COQ10B: variants seen among roughly 807,000 people sequenced by gnomAD.
COQ10B encodes coenzyme Q10B.
Under a neutral mutation model 27.6 loss-of-function variants are expected in COQ10B, and 12 were observed. That is an observed-to-expected ratio of 0.43 (90% CI 0.28 to 0.70). The LOEUF (loss-of-function observed/expected upper bound fraction) is 0.70, where lower values mean the gene tolerates loss of function less well. Ranked by LOEUF, COQ10B falls within the 30% of genes least tolerant of loss-of-function variation. The probability of loss-of-function intolerance (pLI) is 0.17; values close to 1 mark genes in which losing one functional copy is unlikely to be tolerated. For missense variants in COQ10B, 278 were observed against 288.7 expected, an observed-to-expected ratio of 0.96 and a Z score of 0.27; for synonymous variants, 115 against 103.0, an observed-to-expected ratio of 1.12 and a Z score of -0.71.
chr2:197,454,520 A>T (rs370890082), intron 1 of COQ10B, among the ~76,000 whole-genome samples: 1 of 152,164 alleles, frequency 6.6e-6, no homozygotes, highest in South Asian at 2.1e-4. Flanking sequence ...AAGAATTTTT[A>T]AAAACACCAA....
intron 3 of COQ10B, among the ~76,000 whole-genome samples, chr2:197,469,593 G>A (rs541476398): frequency 2.6e-5 from 4 of 152,186 alleles, no homozygotes; most frequent in Non-Finnish European, 5.9e-5. Flanking sequence ...AAGACTATAC[G>A]TGATTAATAA....
chr2:197,462,962 A>T lies in COQ10B; in HGVS notation c.447+231A>T, dbSNP rs189978582. On this transcript the variant is annotated intron_variant, in intron 3 of 4. Coordinates refer to ENST00000263960, the MANE Select transcript of COQ10B (RefSeq NM_025147.5). ...AACTTTTCCCTTTTTTTTCCCTTCT[A>T]TTGAGGACTACTGACCCACAGGACA... Among the ~76,000 whole-genome samples the T allele has an allele frequency of 1.8e-3, 276 of 152,020 alleles. 1 individual carries two copies. Among genetic ancestry groups the T allele is most frequent in the Non-Finnish European group, 2.8e-3 (189 of 67,930 alleles).
chr2:197,458,684 T>C (rs564668112), intron 1 of COQ10B, among the ~76,000 whole-genome samples: 12 of 147,094 alleles, frequency 8.2e-5, no homozygotes, highest in East Asian at 5.9e-4. Context: ...TCTTTTCTCT[T>C]TTTTTTTTTT....
At chr2:197,456,481 C>A (rs1198052436) in intron 1 of COQ10B, among the ~76,000 whole-genome samples, 4 of 140,320 alleles carry the variant, frequency 2.9e-5, no homozygotes, top group Non-Finnish European at 4.6e-5. Flanking sequence ...AAAAGTTGAT[C>A]TTGCTGGGCG....
Position 197,470,714 on chromosome 2 carries a change from A to G in COQ10B, c.549+543A>G, listed in dbSNP as rs532354811. On this transcript the variant is annotated intron_variant, in intron 4 of 4. Coordinates refer to ENST00000263960, the MANE Select transcript of COQ10B (RefSeq NM_025147.5). ...GTTCGAGACCAGCCTGACCAATATC[A>G]TGAAACCCCGTCTCTAGTAAAAATA... Among the ~76,000 whole-genome samples the G allele has an allele frequency of 1.6e-3, 246 of 152,254 alleles. 1 individual carries two copies. The highest frequency in any genetic ancestry group is 5.7e-3 in the African/African-American group (237 of 41,548).
chr2:197,470,826 C>T (rs936308784), intron 4 of COQ10B, among the ~76,000 whole-genome samples: 7 of 152,126 alleles, frequency 4.6e-5, no homozygotes, highest in South Asian at 2.1e-4. Flanking sequence ...ACCCGGGAGG[C>T]GGAGGTTGCA....
At chr2:197,465,280 C>T (rs1160577437) in intron 3 of COQ10B, among the ~76,000 whole-genome samples, 1 of 150,792 alleles carries the variant, frequency 6.6e-6, no homozygotes, top group African/African-American at 2.5e-5. Flanking sequence ...TTCTTCTGTT[C>T]CCTGCCGCCT....
intron 1 of COQ10B, among the ~76,000 whole-genome samples, chr2:197,457,856 A>G (rs2085716278): frequency 1.3e-5 from 2 of 152,166 alleles, no homozygotes; most frequent in African/African-American, 4.8e-5. Flanking sequence ...TCCTGACCTC[A>G]GTTGATCCGC....
intron 4 of COQ10B, among the ~76,000 whole-genome samples, chr2:197,473,399 C>T (rs1457663194): frequency 1.0e-5 from 1 of 95,658 alleles, no homozygotes; most frequent in African/African-American, 4.9e-5. Context: ...ACGCCCCCCC[C>T]CACAAAAAAA....
chr2:197,460,183 A>G, intron 2 of COQ10B, 102 bp downstream of exon 2: 1 of 765,818 alleles, frequency 1.3e-6, no homozygotes, highest in Non-Finnish European at 1.9e-6. Context: ...TTACAGACTA[A>G]GCTCTCTTTT....
chr2:197,461,719 C>A (rs1044859545), intron 2 of COQ10B, among the ~76,000 whole-genome samples: 9 of 151,790 alleles, frequency 5.9e-5, no homozygotes, highest in African/African-American at 1.9e-4. Flanking sequence ...TCACTCACTG[C>A]AACCTCTGTC....
intron 4 of COQ10B, 106 bp from the exon 5 acceptor site, chr2:197,473,651 A>G (rs2085916642): frequency 2.6e-6 from 2 of 757,514 alleles, no homozygotes; most frequent in Non-Finnish European, 3.9e-6. Context: ...GTGCCACTGC[A>G]CTCCAACCTG....
intron 1 of COQ10B, 99 bp downstream of exon 1, chr2:197,453,763 G>T: frequency 8.6e-7 from 1 of 1,159,306 alleles, no homozygotes; most frequent in Non-Finnish European, 1.3e-6. Context: ...AGCCGGACTC[G>T]GTGCATTTCC....
chr2:197,467,258 TTTTATTTA>T (rs55707253), intron 3 of COQ10B, among the ~76,000 whole-genome samples: 4 of 148,084 alleles, frequency 2.7e-5, no homozygotes, highest in East Asian at 2.0e-4. Context: ...GGGTTCTGGA[TTTTATTTA>T]TTTATTTATT....
intron 3 of COQ10B, among the ~76,000 whole-genome samples, chr2:197,466,695 T>C (rs1413701701): frequency 6.6e-6 from 1 of 152,200 alleles, no homozygotes; most frequent in Admixed American, 6.5e-5. Flanking sequence ...AAAAGTAATC[T>C]TCATAATAAC....
At chr2:197,454,115 A>T in intron 1 of COQ10B, 1 of 1,538,500 alleles carries the variant, frequency 6.5e-7, no homozygotes, top group Non-Finnish European at 8.7e-7. Flanking sequence ...AATTTCTGAA[A>T]GAGTGCTTTG....
chr2:197,463,590 A>G (rs922435560), intron 3 of COQ10B, among the ~76,000 whole-genome samples: 3 of 151,952 alleles, frequency 2.0e-5, no homozygotes, highest in African/African-American at 4.8e-5. Context: ...CCTGGGCAAC[A>G]GAGTGAGACA....
chr2:197,464,095 A>G (rs1005059677), intron 3 of COQ10B, among the ~76,000 whole-genome samples: 1 of 146,004 alleles, frequency 6.8e-6, no homozygotes, highest in Admixed American at 7.0e-5. Context: ...ATATATATAC[A>G]TATATATGTA....
Position 197,453,681 on chromosome 2 carries a change from G to C in COQ10B, c.104+17G>C, listed in dbSNP as rs572041646. On this transcript the variant is annotated intron_variant, in intron 1 of 4. Transcript: ENST00000263960. ...GAATGGCAGGTAATCAACAGCGGGGGCGCTGAGACGAGAGTAGTTTTCGAT... is the reference window on the plus strand; with the variant it reads ...GAATGGCAGGTAATCAACAGCGGGGCCGCTGAGACGAGAGTAGTTTTCGAT... 1.4e-5 allele frequency: 22 copies of C among 1,601,190 alleles called. No homozygotes were observed. Among genetic ancestry groups the C allele is most frequent in the Non-Finnish European group, 1.9e-5 (22 of 1,168,718 alleles).
Sources: allele counts gnomAD v4.1 joint callset (sites outside exome capture counted in the v4.1 genomes callset), GRCh38; gene constraint gnomAD v4.1.1; transcripts MANE v1.5; gene names NCBI Gene and HGNC (gene_info 2026-07-23, HGNC 2026-07-21).